CCDC39: variants seen among roughly 807,000 people sequenced by gnomAD.
CCDC39 encodes the protein coiled-coil domain 39 molecular ruler complex subunit, also known as coiled-coil domain-containing protein 39.
Under a neutral mutation model 121.0 loss-of-function variants are expected in CCDC39, and 113 were observed. That is an observed-to-expected ratio of 0.93 (90% CI 0.80 to 1.09). The LOEUF (loss-of-function observed/expected upper bound fraction) is 1.09. CCDC39 is among the 50% of genes least tolerant of loss of function. CCDC39 has a pLI of 0.00. For missense variants in CCDC39, 1,063 were observed against 1,074.7 expected (o/e 0.99, Z 0.15); for synonymous variants, 349 against 352.2 (o/e 0.99, Z 0.10).
intron 13 of CCDC39, among the ~76,000 whole-genome samples, chr3:180,640,770 A>G (rs1717936107): frequency 6.6e-6 from 1 of 152,100 alleles, no homozygotes. Flanking sequence ...AACAGTATAT[A>G]AACCAATAGT....
chr3:180,644,000 T>C, intron 12 of CCDC39, 120 bp downstream of exon 12: 1 of 694,442 alleles, frequency 1.4e-6, no homozygotes, highest in Non-Finnish European at 2.2e-6. Context: ...ACTGTTTATA[T>C]TGGGTATAGT....
At chr3:180,655,006 T>G (rs1205140357) in intron 6 of CCDC39, 53 bp from the exon 7 acceptor site, 1 of 1,163,250 alleles carries the variant, frequency 8.6e-7, no homozygotes, top group African/African-American at 1.6e-5. Context: ...CTGAGAAAAC[T>G]AAAAGGAATT....
intron 12 of CCDC39, among the ~76,000 whole-genome samples, chr3:180,642,413 A>G (rs959083041): frequency 1.3e-5 from 2 of 151,900 alleles, no homozygotes; most frequent in African/African-American, 4.8e-5. Context: ...TCATAATTCA[A>G]TTTTAAAGTC....
chr3:180,620,966 C>T (rs1483338110), intron 14 of CCDC39, among the ~76,000 whole-genome samples: 1 of 152,050 alleles, frequency 6.6e-6, no homozygotes. Context: ...CACGCTCTAC[C>T]TCCATGTGTA....
rs369641345 is a variant in CCDC39, at chr3:180,636,907, T to C, written c.1874+5086A>G. On this transcript the variant is annotated intron_variant, in intron 13 of 19. Coordinates refer to ENST00000476379, the MANE Select transcript of CCDC39 (RefSeq NM_181426.2). ...GAAGATTGAAACTGGACCCCTTTCTTATACCACATATAAAAATCAACTCAA... is the reference window on the plus strand; with the variant it reads ...GAAGATTGAAACTGGACCCCTTTCTCATACCACATATAAAAATCAACTCAA... Among the ~76,000 whole-genome samples, 480 of 152,256 alleles carry C rather than the reference T, an allele frequency of 3.2e-3. 2 individuals are homozygous for C. Among genetic ancestry groups the C allele is most frequent in the South Asian group, 0.017 (80 of 4,824 alleles).
intron 13 of CCDC39, among the ~76,000 whole-genome samples, chr3:180,641,217 C>A (rs972051632): frequency 6.6e-6 from 1 of 152,006 alleles, no homozygotes; most frequent in African/African-American, 2.4e-5. Flanking sequence ...AGTCAACATC[C>A]ATTCTTGATT....
In CCDC39 at chr3:180,616,537, G is replaced by T. The variant is rs780932724; in HGVS notation, c.2565C>A (p.Ile855=). The change falls in exon 18 of 20, where the codon ATC becomes ATA. Residue 855 remains isoleucine, a synonymous_variant. Coordinates refer to ENST00000476379, the MANE Select transcript of CCDC39 (RefSeq NM_181426.2). ...TTACCTGTTGAAAGTATGTTTGAAG[G>T]ATAATACGGATCTCAGTATTTTCTT... is the stretch of plus-strand genomic sequence containing the variant. ...IIEENTEIRI[I]LQTYFQQSGL... is the part of the protein sequence containing the mutation. The T allele has an allele frequency of 8.4e-5, 133 of 1,575,498 alleles. No individual in the cohort carries two copies. The East Asian group carries it at 3.0e-3, about 35-fold the overall frequency.
At chr3:180,665,766 A>G (rs1415742382) in intron 1 of CCDC39, among the ~76,000 whole-genome samples, 2 of 151,780 alleles carry the variant, frequency 1.3e-5, no homozygotes, top group African/African-American at 4.8e-5. Context: ...TCTTTTTCAT[A>G]TAAGGGCCAC....
At chr3:180,618,610 A>G (rs947839047) in intron 16 of CCDC39, among the ~76,000 whole-genome samples, 1 of 152,000 alleles carries the variant, frequency 6.6e-6, no homozygotes, top group Admixed American at 6.6e-5. Flanking sequence ...TCCTGGGTCC[A>G]CGTGTTCTCA....
At chr3:180,661,437 A>G (rs990607037) in intron 3 of CCDC39, among the ~76,000 whole-genome samples, 5 of 152,092 alleles carry the variant, frequency 3.3e-5, no homozygotes, top group Non-Finnish European at 7.4e-5. Context: ...TAAACTAAAG[A>G]AAAGACAGAA....
In CCDC39 at chr3:180,614,930, G is replaced by A. The variant is rs200947486; in HGVS notation, c.2817C>T (p.Ser939=). The part of the protein sequence containing the change: ...SSSSNVKSKK[S]SK ...GAAGAGATTAAAATGTTTATTTGCT[G>A]CTCTTTTTGCTCTTAACATTACTAG... Residue 939 remains serine (S), a synonymous_variant, in exon 20 of 20, where the codon AGC becomes AGT. Transcript: ENST00000476379. 2.6e-6 allele frequency: 4 copies of A among 1,559,986 alleles called. No individual in the cohort carries two copies. The African/African-American group carries it at 4.1e-5, about 16-fold the overall frequency.
Position 180,642,125 on chromosome 3 carries a change from T to C in CCDC39, c.1742A>G (p.Glu581Gly), listed in dbSNP as rs768857374. ...TTTTCTTTTTTCTAGGGAAAGAACTTCTTCTGCCTTACTGTGAAGCATTTC... is the reference window on the plus strand; with the variant it reads ...TTTTCTTTTTTCTAGGGAAAGAACTCCTTCTGCCTTACTGTGAAGCATTTC... ...TREMLHSKAE[E>G]VLSLEKRKQQ... The change falls in exon 13 of 20, where the codon GAA becomes GGA. Residue 581 changes from glutamate (E) to glycine (G), a missense_variant. Coordinates refer to ENST00000476379, the MANE Select transcript of CCDC39 (RefSeq NM_181426.2). 21 of 1,612,676 alleles carry C rather than the reference T, an allele frequency of 1.3e-5. No homozygotes were observed. The highest frequency in any genetic ancestry group is 1.7e-5 in the Non-Finnish European group (20 of 1,179,018).
intron 4 of CCDC39, 123 bp from the exon 5 acceptor site, chr3:180,659,892 G>T: frequency 1.8e-6 from 1 of 552,274 alleles, no homozygotes; most frequent in Non-Finnish European, 2.9e-6. Flanking sequence ...CTAAAACTGT[G>T]AAATAATAAA....
chr3:180,667,356 C>T (rs1576952623), intron 1 of CCDC39, among the ~76,000 whole-genome samples: 1 of 152,162 alleles, frequency 6.6e-6, no homozygotes, highest in African/African-American at 2.4e-5. Context: ...TCCAATGGCA[C>T]ATTTTTAACA....
chr3:180,667,949 T>A (rs1168854526), intron 1 of CCDC39, among the ~76,000 whole-genome samples: 1 of 152,134 alleles, frequency 6.6e-6, no homozygotes, highest in East Asian at 1.9e-4. Context: ...GGGTCTAGAC[T>A]CCAGAGGCAG....
At chr3:180,665,926 G>A (rs139939411) in intron 1 of CCDC39, among the ~76,000 whole-genome samples, 215 of 152,046 alleles carry the variant, frequency 1.4e-3, no homozygotes, top group African/African-American at 5.1e-3. Flanking sequence ...ATGTTTGTTT[G>A]TACAGCATTT....
At chr3:180,644,002 G>C in intron 12 of CCDC39, 118 bp downstream of exon 12, 1 of 725,606 alleles carries the variant, frequency 1.4e-6, no homozygotes, top group South Asian at 2.4e-5. Context: ...TGTTTATATT[G>C]GGTATAGTGA....
Position 180,642,158 on chromosome 3 carries a change from C to G in CCDC39, c.1709G>C (p.Arg570Pro). ...CTTACTGTGAAGCATTTCTCGAGTA[C>G]GCTTAACTTCAAGTTTTAAAAGATT... ...EDNLLKLEVKRTREMLHSKAE... is the reference protein window; with the variant it reads ...EDNLLKLEVKPTREMLHSKAE... Residue 570 changes from arginine (R) to proline (P), a missense_variant, in exon 13 of 20, where the codon CGT becomes CCT. Arg to Pro is a moderately radical substitution (Grantham distance 103). Coordinates refer to ENST00000476379, the MANE Select transcript of CCDC39 (RefSeq NM_181426.2). The G allele has an allele frequency of 6.2e-7, 1 of 1,609,272 alleles. No individual in the cohort carries two copies. Among genetic ancestry groups the G allele is most frequent in the East Asian group, 2.2e-5 (1 of 44,740 alleles).
Position 180,652,283 on chromosome 3 carries a change from A to T in CCDC39, c.931-17T>A. 7.4e-7 allele frequency: 1 copy of T among 1,360,224 alleles called. No individual in the cohort carries two copies. Among genetic ancestry groups the T allele is most frequent in the Admixed American group, 2.4e-5 (1 of 41,018 alleles). The allele number at this position is 1,360,224 out of a possible 1,614,324, so 84.3% of individuals were successfully genotyped here. ...AGAATCCAGCTATTTATTAGTTAAC[A>T]GACAGAAATTATATATTTACTCTGT... On this transcript the variant is annotated splice_polypyrimidine_tract_variant and intron_variant, in intron 7 of 19. Coordinates refer to ENST00000476379, the MANE Select transcript of CCDC39 (RefSeq NM_181426.2).
Sources: gnomAD v4.1 joint callset for allele counts (sites outside exome capture counted in the v4.1 genomes callset) on GRCh38, gnomAD v4.1.1 for gene constraint, MANE v1.5 for transcripts, NCBI Gene and HGNC (gene_info 2026-07-23, HGNC 2026-07-21) for gene names.